Variants in LY75 observed in about 807,000 individuals in gnomAD.
LY75 encodes lymphocyte antigen 75.
In LY75, 185 loss-of-function variants were observed where a neutral mutation model predicts 231.7. The observed-to-expected ratio is 0.80, with a 90% CI of 0.71 to 0.90. The LOEUF is 0.90. Among genes scored for constraint, LY75 ranks in the 40% least tolerant of loss-of-function variants. The pLI is 0.00. For synonymous variants in LY75, 668 were observed against 689.0 expected (o/e 0.97, Z 0.48); for missense variants, 1,947 against 2,050.2 (o/e 0.95, Z 0.97).
intron 15 of LY75, among the ~76,000 whole-genome samples, chr2:159,858,685 A>G (rs1560085251): frequency 6.6e-6 from 1 of 152,240 alleles, no homozygotes; most frequent in Non-Finnish European, 1.5e-5. Flanking sequence ...AATATGTTGT[A>G]AAGTCATGTT....
At chr2:159,848,093 T>TACACACACACACACACACACACACAC (rs773757343) in intron 23 of LY75, among the ~76,000 whole-genome samples, 100 of 28,364 alleles carry the variant, frequency 3.5e-3, no homozygotes, top group East Asian at 8.8e-3. Context: ...TATATATATA[T>TACACACACACACACACACACACACAC]ACACACACAC....
chr2:159,850,204 C>A, intron 22 of LY75, 64 bp from the exon 23 acceptor site: 1 of 1,530,052 alleles, frequency 6.5e-7, no homozygotes. Flanking sequence ...TTAAAAATGT[C>A]AATGAATATA....
chr2:159,807,933 G>C, intron 33 of LY75: 1 of 978,828 alleles, frequency 1.0e-6, no homozygotes, highest in South Asian at 4.7e-5. Context: ...AATGGCAAAA[G>C]CTGCAATTAC....
In LY75 at chr2:159,835,493, G is replaced by A. The variant is rs537017264; in HGVS notation, c.3660C>T (p.Cys1220=). The A allele has an allele frequency of 2.5e-6, 4 of 1,605,068 alleles. No individual in the cohort carries two copies. Among genetic ancestry groups the A allele is most frequent in the Admixed American group, 1.7e-5 (1 of 58,318 alleles). The change falls in exon 26 of 35, where the codon TGC becomes TGT. Residue 1220 remains cysteine, a synonymous_variant. Transcript: ENST00000263636. Reference sequence around the variant, plus strand: ...AAATTCACATACTTCCTGAATAGTAGCAAATAGCACCTGGTTGATTGTCAT... The same window carrying A: ...AAATTCACATACTTCCTGAATAGTAACAAATAGCACCTGGTTGATTGTCAT... The part of the protein sequence containing the change: ...DCNDNQPGAI[C]YYSGNETEKE...
rs991166179 is a variant in LY75, at chr2:159,804,043, A to G, written c.*1001T>C. On this transcript the variant is annotated 3_prime_UTR_variant, in exon 35 of 35. Coordinates refer to ENST00000263636, the MANE Select transcript of LY75 (RefSeq NM_002349.4). ...CACACTGCTACAAGGTACCTACTCAATCTAAAAATAATGTTCCCACACTTG... is the reference window on the plus strand; with the variant it reads ...CACACTGCTACAAGGTACCTACTCAGTCTAAAAATAATGTTCCCACACTTG... The G allele has an allele frequency of 6.6e-6, 1 of 152,226 alleles. No individual in the cohort carries two copies. Among genetic ancestry groups the G allele is most frequent in the Non-Finnish European group, 1.5e-5 (1 of 68,032 alleles). 9.4% of individuals were successfully genotyped at this position (152,226 alleles called of 1,614,324 possible).
At chr2:159,831,318 A>G (rs989274228) in intron 28 of LY75, among the ~76,000 whole-genome samples, 4 of 152,160 alleles carry the variant, frequency 2.6e-5, no homozygotes, top group Non-Finnish European at 5.9e-5. Flanking sequence ...TTCGCCTCTG[A>G]CATGATTGTA....
intron 3 of LY75, 143 bp downstream of exon 3, chr2:159,893,771 C>T (rs1440786691): frequency 8.1e-7 from 1 of 1,227,428 alleles, no homozygotes; most frequent in Non-Finnish European, 1.1e-6. Flanking sequence ...CACATTACCT[C>T]TCTCTTCTCC....
In LY75 at chr2:159,822,823, C is replaced by T. The variant is rs1325112601; in HGVS notation, c.3959-2903G>A. ...GCAGCCTCCGTGGGTGATAACTAGG[C>T]AAACAGAGTCGGGTAGACATCCAGC... On this transcript the variant is annotated intron_variant, in intron 28 of 34. Coordinates refer to ENST00000263636, the MANE Select transcript of LY75 (RefSeq NM_002349.4). 2.6e-5 allele frequency among the ~76,000 whole-genome samples: 4 copies of T among 152,276 alleles called. No individual in the cohort carries two copies. In the East Asian group the frequency reaches 7.7e-4, roughly 29 times the overall value.
chr2:159,850,358 G>C lies in LY75; in HGVS notation c.2989+4C>G. 1.9e-6 allele frequency: 3 copies of C among 1,613,520 alleles called. No individual in the cohort carries two copies. In the South Asian group the frequency reaches 3.3e-5, roughly 18 times the overall value. ...AAAACATGTTTCCCAAATAATTCCA[G>C]TACCTTGTTCAATCTGGCTCAACAC... On this transcript the variant is annotated splice_donor_region_variant and intron_variant, in intron 22 of 34. Transcript: ENST00000263636.
chr2:159,878,433 G>T lies in LY75; in HGVS notation c.1665C>A (p.Tyr555Ter), dbSNP rs772185011. The T allele has an allele frequency of 1.9e-6, 3 of 1,614,048 alleles. No individual in the cohort carries two copies. The highest frequency in any genetic ancestry group is 2.2e-5 in the South Asian group (2 of 91,086). Residue 555 changes from tyrosine to a stop codon, truncating the protein, a stop_gained, in exon 11 of 35, where the codon TAC becomes TAA. Coordinates refer to ENST00000263636, the MANE Select transcript of LY75 (RefSeq NM_002349.4). LOFTEE classifies it high-confidence loss of function. ...CTACATCTCTCAGGCCAGTCCAGAA[G>T]TATTTTCTTAGAGATTTATCATACT... The part of the protein sequence containing the change: ...MKKYDKSLRK[Y>*]FWTGLRDVDS...
At chr2:159,904,450 G>T (rs1267298136) in intron 1 of LY75, 139 bp downstream of exon 1, 1 of 990,956 alleles carries the variant, frequency 1.0e-6, no homozygotes, top group Non-Finnish European at 1.4e-6. Context: ...TCACTCTTCC[G>T]GCTCCAGAGC....
At chr2:159,862,686 AT>A (rs780926447) in intron 14 of LY75, among the ~76,000 whole-genome samples, 31 of 152,114 alleles carry the variant, frequency 2.0e-4, no homozygotes, top group Non-Finnish European at 4.1e-4. Context: ...TATTTTTTAA[AT>A]TGGCAGATAA....
Position 159,874,910 on chromosome 2 carries a change from T to TTTTGTAAATATA in LY75, c.1974+533_1974+534insTATATTTACAAA, listed in dbSNP as rs1560094378. On this transcript the variant is annotated intron_variant, in intron 12 of 34. Coordinates refer to ENST00000263636, the MANE Select transcript of LY75 (RefSeq NM_002349.4). ...TTTTGTAAATATATAAACATATATATTTTATAAATATATTTATAAATATAT... is the reference window on the plus strand; with the variant it reads ...TTTTGTAAATATATAAACATATATATTTTGTAAATATATTTATAAATATATTTATAAATATAT... 1.7e-3 allele frequency among the ~76,000 whole-genome samples: 227 copies of TTTTGTAAATATA among 135,888 alleles called. 3 individuals carry two copies. Among genetic ancestry groups the TTTTGTAAATATA allele is most frequent in the African/African-American group, 5.9e-3 (215 of 36,320 alleles). 89.1% of individuals were successfully genotyped at this position (135,888 alleles called of 152,430 possible). A position where few individuals can be genotyped will look rare whatever the true frequency, so the allele number is the denominator to read the frequency against.
In LY75 at chr2:159,904,608, C is replaced by A. The variant is rs1286167637; in HGVS notation, c.75G>T (p.Ala25=). Residue 25 remains alanine (A), a synonymous_variant, in exon 1 of 35, where the codon GCG becomes GCT. Transcript: ENST00000263636. The part of the protein sequence containing the change: ...LMLLFWFFDL[A]EPSGRAANDP... ...GGTTACCTGCGCGGCCAGAGGGCTC[C>A]GCGAGATCGAAGAACCAGAAGAGCA... 2 of 1,508,394 alleles carry A rather than the reference C, an allele frequency of 1.3e-6. No individual in the cohort carries two copies. The highest frequency in any genetic ancestry group is 2.8e-5 in the East Asian group (1 of 35,124). The allele number at this position is 1,508,394 out of a possible 1,614,324, so 93.4% of individuals were successfully genotyped here. A position where few individuals can be genotyped will look rare whatever the true frequency, so the allele number is the denominator to read the frequency against.
rs1339689065 is a variant in LY75, at chr2:159,878,638, A to G, written c.1599T>C (p.Thr533=). ...PFGTNCNLTI[T]SRFEQEYLND... is the part of the protein sequence containing the mutation. The stretch of plus-strand genomic sequence containing the variant: ...AAGTTTACTGATGGTCACACCTGCT[A>G]GTGATAGTCAGATTGCAGTTTGTTC... The change falls in exon 10 of 35, where the codon ACT becomes ACC. Residue 533 remains threonine (T), a synonymous_variant. Transcript: ENST00000263636. 6.2e-7 allele frequency: 1 copy of G among 1,614,042 alleles called. No individual in the cohort carries two copies. Among genetic ancestry groups the G allele is most frequent in the Non-Finnish European group, 8.5e-7 (1 of 1,179,962 alleles).
chr2:159,850,073 A>G lies in LY75; in HGVS notation c.3057T>C (p.Tyr1019=), dbSNP rs762097535. ...TLWIGLRWTA[Y]EKINKWTDNR... ...TATCTGTCCATTTGTTTATCTTTTC[A>G]TAGGCAGTCCAGCGCAAACCAATCC... The change falls in exon 23 of 35, where the codon TAT becomes TAC. Residue 1019 remains tyrosine (Y), a synonymous_variant. Transcript: ENST00000263636. 3 of 1,614,004 alleles carry G rather than the reference A, an allele frequency of 1.9e-6. No homozygotes were observed. The highest frequency in any genetic ancestry group is 1.7e-5 in the Admixed American group (1 of 60,010).
rs1553797757 is a variant in LY75 at position 159,808,479 on chromosome 2, C to A, written c.4792G>T (p.Val1598Phe). 2 of 1,613,902 alleles carry A rather than the reference C, an allele frequency of 1.2e-6. No homozygotes were observed. ...GAATGTTGAGATAATCCAAGCCAAA[C>A]TCTCATGGTAATGTTATTATTTTCC... ...MRENNNITMR[V>F]WLGLSQHSVD... The change falls in exon 33 of 35, where the codon GTT (valine) becomes TTT (phenylalanine). Residue 1598 changes from valine (V) to phenylalanine (F), a missense_variant. Transcript: ENST00000263636.
Position 159,875,604 on chromosome 2 carries a change from G to T in LY75, c.1814C>A (p.Ser605Tyr), listed in dbSNP as rs760592336. The T allele has an allele frequency of 5.6e-6, 9 of 1,613,848 alleles. No homozygotes were observed. Among genetic ancestry groups the T allele is most frequent in the African/African-American group, 2.7e-5 (2 of 74,864 alleles). The change falls in exon 12 of 35, where the codon TCT becomes TAT. Residue 605 changes from serine to tyrosine, a missense_variant. Physicochemically the swap from Ser to Tyr is moderately radical, Grantham distance 144 (BLOSUM62 -2). Coordinates refer to ENST00000263636, the MANE Select transcript of LY75 (RefSeq NM_002349.4). Reference sequence around the variant, plus strand: ...GTCCTTCACCTCCCACTTTCCAACAGACTTTCCAGTAGACATAGCCACGCA... The same window carrying T: ...GTCCTTCACCTCCCACTTTCCAACATACTTTCCAGTAGACATAGCCACGCA... ...GGCVAMSTGK[S>Y]VGKWEVKDCR...
At chr2:159,846,388 A>G (rs1684203682) in intron 23 of LY75, among the ~76,000 whole-genome samples, 1 of 152,200 alleles carries the variant, frequency 6.6e-6, no homozygotes, top group African/African-American at 2.4e-5. Context: ...GTAGCTGCGC[A>G]TGGTGGTGCG....
Sources: allele counts gnomAD v4.1 joint callset (sites outside exome capture counted in the v4.1 genomes callset), GRCh38; gene constraint gnomAD v4.1.1; transcripts MANE v1.5; gene names NCBI Gene and HGNC (gene_info 2026-07-23, HGNC 2026-07-21).